Variants in STS observed in about 807,000 individuals in gnomAD.
STS encodes steroid sulfatase.
A neutral mutation model predicts 26.8 loss-of-function variants in STS; 7 were observed. The ratio of observed to expected loss-of-function variants is 0.26; its 90% CI spans 0.15 to 0.49. The LOEUF (loss-of-function observed/expected upper bound fraction) is 0.49, where lower values mean the gene tolerates loss of function less well. Among genes scored for constraint, STS ranks in the 20% least tolerant of loss-of-function variants. The pLI, the probability that STS is intolerant of heterozygous loss-of-function variation, is 0.98. For synonymous variants in STS, 199 were observed against 189.4 expected, an observed-to-expected ratio of 1.05 and a Z score of -0.42; for missense variants, 434 against 465.6, an observed-to-expected ratio of 0.93 and a Z score of 0.63.
At chrX:7,148,484 G>T (rs1022378464) in intron 1 of STS, among the ~76,000 whole-genome samples, 1 of 113,002 alleles carries the variant, frequency 8.8e-6, no homozygotes, top group Non-Finnish European at 1.9e-5. Context: ...TTGGATCAGG[G>T]GTGTGAATGA....
chrX:7,217,064 G>A (rs1361101541), intron 2 of STS, among the ~76,000 whole-genome samples: 1 of 110,908 alleles, frequency 9.0e-6, no homozygotes, highest in Non-Finnish European at 1.9e-5. Context: ...ACGGAATAGG[G>A]TGCCCATCAG....
Position 7,286,768 on chromosome X carries a change from T to C in STS, c.943+10681T>C, listed in dbSNP as rs574896385. Reference sequence around the variant, plus strand: ...AGTTACATGCTTGACTGTAAAGATATATAGTACACTTTAGGATATGTGCTG... The same window carrying C: ...AGTTACATGCTTGACTGTAAAGATACATAGTACACTTTAGGATATGTGCTG... On this transcript the variant is annotated intron_variant, in intron 7 of 10. Coordinates refer to ENST00000674429, the MANE Select transcript of STS (RefSeq NM_001320752.2). Among the ~76,000 whole-genome samples, 125 of 111,942 alleles carry C rather than the reference T, an allele frequency of 1.1e-3. 2 individuals are homozygous for C. In the South Asian group the frequency reaches 0.044, roughly 39 times the overall value.
chrX:7,324,587 A>C (rs1217202011), intron 8 of STS, among the ~76,000 whole-genome samples: 1 of 111,365 alleles, frequency 9.0e-6, no homozygotes, highest in Non-Finnish European at 1.9e-5. Context: ...TTGGTATCTT[A>C]TGGCTACAAA....
At chrX:7,186,604 G>A (rs1933777355) in intron 1 of STS, among the ~76,000 whole-genome samples, 1 of 111,583 alleles carries the variant, frequency 9.0e-6, no homozygotes, top group Admixed American at 9.5e-5. Flanking sequence ...GGTCCTATTG[G>A]GAAGATGCCT....
chrX:7,193,843 T>C (rs373977176), intron 2 of STS, among the ~76,000 whole-genome samples: 8 of 111,754 alleles, frequency 7.2e-5, no homozygotes, highest in African/African-American at 2.0e-4. Flanking sequence ...AGAACACTTA[T>C]ATTGTCTGTA....
intron 2 of STS, among the ~76,000 whole-genome samples, chrX:7,193,248 T>C (rs1252300647): frequency 6.2e-5 from 7 of 112,312 alleles, no homozygotes; most frequent in Non-Finnish European, 1.3e-4. Context: ...TTCCTTTTTC[T>C]GTTTCAGAAA....
intron 7 of STS, among the ~76,000 whole-genome samples, chrX:7,298,710 G>A (rs5934917): frequency 0.092 from 10,084 of 109,449 alleles, 468 homozygotes; most frequent in Non-Finnish European, 0.14. Flanking sequence ...CCCCCAGGTG[G>A]TACAATTATT....
chrX:7,200,149 C>G (rs995692226), intron 2 of STS, among the ~76,000 whole-genome samples: 2 of 108,184 alleles, frequency 1.8e-5, no homozygotes, highest in African/African-American at 6.7e-5. Context: ...TCAGTTTAGT[C>G]TTTAATTCCT....
chrX:7,293,455 T>C (rs1264576722), intron 7 of STS, among the ~76,000 whole-genome samples: 1 of 112,023 alleles, frequency 8.9e-6, no homozygotes, highest in African/African-American at 3.2e-5. Context: ...ATGATTCTTT[T>C]TGTGACCCAT....
intron 2 of STS, among the ~76,000 whole-genome samples, chrX:7,193,051 A>G (rs1393198871): frequency 8.9e-6 from 1 of 112,608 alleles, no homozygotes; most frequent in Non-Finnish European, 1.9e-5. Context: ...AGAGAACAAA[A>G]GGACAATGAC....
At chrX:7,344,441 A>G (rs780701256) in intron 10 of STS, among the ~76,000 whole-genome samples, 3 of 111,379 alleles carry the variant, frequency 2.7e-5, no homozygotes, top group Non-Finnish European at 5.7e-5. Context: ...AGTGCCTGTC[A>G]TGGTGGGAAG....
chrX:7,209,040 T>A lies in STS; in HGVS notation c.-5+18032T>A, dbSNP rs1023016159. ...GCTAATCCAGGAAGTTCTTCCCATCTCAAGATCCTTCATGGCACTTGCCAA... is the reference window on the plus strand; with the variant it reads ...GCTAATCCAGGAAGTTCTTCCCATCACAAGATCCTTCATGGCACTTGCCAA... On this transcript the variant is annotated intron_variant, in intron 2 of 10. Transcript: ENST00000674429. 5.4e-5 allele frequency among the ~76,000 whole-genome samples: 6 copies of A among 111,832 alleles called. No individual in the cohort carries two copies. In the South Asian group the frequency reaches 1.5e-3, roughly 28 times the overall value.
At chrX:7,230,339 A>G (rs1257390244) in intron 2 of STS, among the ~76,000 whole-genome samples, 1 of 111,939 alleles carries the variant, frequency 8.9e-6, no homozygotes, top group Non-Finnish European at 1.9e-5. Flanking sequence ...TGACCCAGCC[A>G]TTCCACTCCT....
intron 6 of STS, among the ~76,000 whole-genome samples, chrX:7,266,736 G>A (rs1924026065): frequency 8.9e-6 from 1 of 111,999 alleles, no homozygotes; most frequent in African/African-American, 3.2e-5. Context: ...GCCCTGTAGG[G>A]TCATCCCATT....
At chrX:7,287,267 G>A (rs1240263519) in intron 7 of STS, among the ~76,000 whole-genome samples, 1 of 111,428 alleles carries the variant, frequency 9.0e-6, no homozygotes, top group Non-Finnish European at 1.9e-5. Context: ...TGTTGCCTCA[G>A]TCTTCTGTGT....
intron 2 of STS, among the ~76,000 whole-genome samples, chrX:7,215,156 T>TATAC (rs1266956654): frequency 1.0e-5 from 1 of 95,724 alleles, no homozygotes; most frequent in African/African-American, 3.8e-5. Flanking sequence ...TATATATATA[T>TATAC]ACACACCACA....
At chrX:7,244,937 A>G (rs1341060495) in intron 2 of STS, among the ~76,000 whole-genome samples, 6 of 112,182 alleles carry the variant, frequency 5.3e-5, no homozygotes, top group African/African-American at 1.6e-4. Context: ...CTTGGTACAT[A>G]CTAAGCACCC....
rs759501539 is a variant in STS, at chrX:7,349,870, C to T, written c.1364-18C>T. 1.2e-5 allele frequency: 15 copies of T among 1,209,907 alleles called. No homozygotes were observed. In the Admixed American group the frequency reaches 1.5e-4, roughly 12 times the overall value. ...GATGCTTCATACCTAATGCCGTTTC[C>T]ATCCTTTTAAACCACAGGCACATCC... On this transcript the variant is annotated intron_variant, in intron 10 of 10. Coordinates refer to ENST00000674429, the MANE Select transcript of STS (RefSeq NM_001320752.2).
chrX:7,344,451 G>A (rs1175030380), intron 10 of STS, among the ~76,000 whole-genome samples: 2 of 111,442 alleles, frequency 1.8e-5, no homozygotes, highest in African/African-American at 6.5e-5. Flanking sequence ...ATGGTGGGAA[G>A]GTGGGGGTCT....
Sources: gnomAD v4.1 joint callset for allele counts (sites outside exome capture counted in the v4.1 genomes callset) on GRCh38, gnomAD v4.1.1 for gene constraint, MANE v1.5 for transcripts, NCBI Gene and HGNC (gene_info 2026-07-23, HGNC 2026-07-21) for gene names.